The following FAM228B variants were observed in gnomAD, a reference collection of about 807,000 sequenced individuals.
The protein encoded by FAM228B is protein FAM228B.
Under a neutral mutation model 42.6 loss-of-function variants are expected in FAM228B, and 38 were observed. The observed-to-expected ratio is 0.89, with a 90% CI of 0.69 to 1.17. The LOEUF is 1.17. Ranked by LOEUF, FAM228B falls within the 50% of genes most tolerant of loss-of-function variation. The probability of loss-of-function intolerance (pLI) is 0.00; values close to 1 mark genes in which losing one functional copy is unlikely to be tolerated. For missense variants in FAM228B, 344 were observed against 367.3 expected (o/e 0.94, Z 0.52); for synonymous variants, 109 against 122.3 (o/e 0.89, Z 0.72).
At chr2:24,119,467 A>T, upstream of FAM228B, 1 of 743,916 alleles carries the variant, frequency 1.3e-6, no homozygotes, top group Non-Finnish European at 2.2e-6. Flanking sequence ...CATCCTTCCA[A>T]TAAATTCCTC....
intron 7 of FAM228B, among the ~76,000 whole-genome samples, chr2:24,148,994 A>G (rs558660928): frequency 9.2e-5 from 14 of 152,280 alleles, no homozygotes; most frequent in Admixed American, 6.5e-4. Context: ...CTTTCTGTGC[A>G]TGGTTTATTT....
At position 24,077,687 on chromosome 2, in the gene FAM228B, C is replaced by T; in HGVS notation, c.-290+718C>T. 3 of 1,614,088 alleles carry T rather than the reference C, an allele frequency of 1.9e-6. No homozygotes were observed. Among genetic ancestry groups the T allele is most frequent in the Non-Finnish European group, 2.5e-6 (3 of 1,179,984 alleles). ...GGTAGATTCTGTCCAGAACCGGCAG[C>T]AGACGTTGGGGGCCCTCCGTGGAGA... On this transcript the variant is annotated intron_variant, in intron 1 of 10. Coordinates refer to the FAM228B transcript ENST00000613899. The surrounding 1 kb of genome is among the most constrained non-coding windows in gnomAD (Gnocchi z 5.5).
intron 7 of FAM228B, among the ~76,000 whole-genome samples, chr2:24,150,843 T>C (rs1333246766): frequency 6.6e-6 from 1 of 152,186 alleles, no homozygotes; most frequent in Admixed American, 6.5e-5. Flanking sequence ...TTCCTCTTGA[T>C]GCTTTTAGGA....
intron 1 of FAM228B, chr2:24,079,199 T>C (rs1664888525): frequency 8.1e-6 from 4 of 496,836 alleles, no homozygotes; most frequent in Non-Finnish European, 1.4e-5. Context: ...CTTTCTTCAT[T>C]CTGTTAGAAT....
In FAM228B at chr2:24,134,883, G is replaced by C. The variant is rs187060471; in HGVS notation, c.100-236G>C. 1.5e-3 allele frequency among the ~76,000 whole-genome samples: 229 copies of C among 152,342 alleles called. 2 individuals are homozygous for C. Among genetic ancestry groups the C allele is most frequent in the Non-Finnish European group, 2.9e-3 (200 of 68,034 alleles). Reference sequence around the variant, plus strand: ...AAGAATCGCTTGAACCCTGGAAGTGGAGGTTGTAGTGAGCCGAGATGGTGC... The same window carrying C: ...AAGAATCGCTTGAACCCTGGAAGTGCAGGTTGTAGTGAGCCGAGATGGTGC... On this transcript the variant is annotated intron_variant, in intron 2 of 10. Transcript: ENST00000615575.
intron 3 of FAM228B, among the ~76,000 whole-genome samples, chr2:24,110,107 A>G (rs1665764743): frequency 6.6e-6 from 1 of 152,256 alleles, no homozygotes; most frequent in Non-Finnish European, 1.5e-5. Context: ...CAGCCATAAA[A>G]AGAATGAGAT....
chr2:24,099,900 G>A (rs1360550128), intron 3 of FAM228B, among the ~76,000 whole-genome samples: 3 of 152,132 alleles, frequency 2.0e-5, no homozygotes, highest in East Asian at 3.8e-4. Context: ...AAAACAGCAC[G>A]GTACTGGTAC....
intron 5 of FAM228B, 100 bp from the exon 6 acceptor site, chr2:24,146,648 C>G (rs1666900708): frequency 2.9e-6 from 2 of 683,956 alleles, no homozygotes; most frequent in East Asian, 2.8e-5. Flanking sequence ...ATTTACCCTC[C>G]CGGCATAAGA....
intron 5 of FAM228B, 43 bp downstream of exon 5, chr2:24,139,493 G>A: frequency 7.8e-7 from 1 of 1,279,438 alleles, no homozygotes; most frequent in Non-Finnish European, 1.1e-6. Context: ...TTATGTGTTT[G>A]GTTGTTTTGA....
At chr2:24,108,661 G>T (rs1253232749) in intron 3 of FAM228B, among the ~76,000 whole-genome samples, 1 of 152,110 alleles carries the variant, frequency 6.6e-6, no homozygotes, top group African/African-American at 2.4e-5. Flanking sequence ...CAGCACTTTG[G>T]GAGGCCTAGA....
chr2:24,096,990 A>T (rs1261323164), intron 3 of FAM228B: 1 of 152,168 alleles, frequency 6.6e-6, no homozygotes, highest in Admixed American at 6.5e-5. Context: ...ATTCTTAAAG[A>T]ATTTTCAACC....
At position 24,166,054 on chromosome 2, in the gene FAM228B, A is replaced by AAAAT. The variant is rs56146407; in HGVS notation, c.933-1572_933-1571insAATA. On this transcript the variant is annotated intron_variant, in intron 9 of 10. Coordinates refer to ENST00000615575, the MANE Select transcript of FAM228B (RefSeq NM_001145710.2). Reference sequence around the variant, plus strand: ...CAGAACTCTGTCTAAAAAAAAAAAAAATATATATATATATATATGTATGTA... The same window carrying AAAAT: ...CAGAACTCTGTCTAAAAAAAAAAAAAAAATATATATATATATATATATGTATGTA... 9.4e-4 allele frequency: 76 copies of AAAAT among 81,048 alleles called. 1 individual carries two copies. Among genetic ancestry groups the AAAAT allele is most frequent in the African/African-American group, 3.0e-3 (75 of 24,892 alleles). 5.0% of individuals were successfully genotyped at this position (81,048 alleles called of 1,614,324 possible). A position where few individuals can be genotyped will look rare whatever the true frequency, so the allele number is the denominator to read the frequency against.
At position 24,077,457 on chromosome 2, in the gene FAM228B, A is replaced by G; in HGVS notation, c.-290+488A>G. 1 of 1,181,040 alleles carries G rather than the reference A, an allele frequency of 8.5e-7. No homozygotes were observed. The highest frequency in any genetic ancestry group is 1.1e-6 in the Non-Finnish European group (1 of 877,998). The allele number at this position is 1,181,040 out of a possible 1,614,324, so 73.2% of individuals were successfully genotyped here. On this transcript the variant is annotated intron_variant, in intron 1 of 10. Transcript: ENST00000613899. The surrounding 1 kb of genome is among the most constrained non-coding windows in gnomAD (Gnocchi z 5.5). ...CTTCCAGTTCACTCTTTATTTCCTC[A>G]TATCAGCTTTAAACGGCTCTGGAGG... is the stretch of plus-strand genomic sequence containing the variant.
At chr2:24,101,074 G>A (rs1304333544) in intron 3 of FAM228B, among the ~76,000 whole-genome samples, 2 of 152,162 alleles carry the variant, frequency 1.3e-5, no homozygotes, top group Non-Finnish European at 2.9e-5. Flanking sequence ...GAGATCACTT[G>A]GACACAGGGT....
At chr2:24,165,605 T>C (rs1667385400) in intron 9 of FAM228B, 1 of 359,446 alleles carries the variant, frequency 2.8e-6, no homozygotes, top group African/African-American at 2.1e-5. Context: ...CTTAAAGACA[T>C]TTAGAACCTG....
Position 24,084,075 on chromosome 2 carries a change from G to T in FAM228B, c.-210+3120G>T. On this transcript the variant is annotated intron_variant, in intron 2 of 10. Transcript: ENST00000613899. The surrounding 1 kb of genome is among the most constrained non-coding windows in gnomAD (Gnocchi z 8.4). ...AGGTCTGGGAAGCCCCAGCGCAGCT[G>T]CCTGCTGGGTGTGGAGCGGTGCACG... The T allele has an allele frequency of 7.0e-7, 1 of 1,427,290 alleles. No individual in the cohort carries two copies. The highest frequency in any genetic ancestry group is 9.2e-7 in the Non-Finnish European group (1 of 1,086,728). The allele number at this position is 1,427,290 out of a possible 1,614,324, so 88.4% of individuals were successfully genotyped here. A position where few individuals can be genotyped will look rare whatever the true frequency, so the allele number is the denominator to read the frequency against.
intron 4 of FAM228B, among the ~76,000 whole-genome samples, chr2:24,138,561 C>G (rs1666663015): frequency 6.6e-6 from 1 of 151,840 alleles, no homozygotes; most frequent in Admixed American, 6.6e-5. Flanking sequence ...TCTCGAACTC[C>G]CTATTTCAGG....
chr2:24,153,349 C>A (rs1156626286), intron 7 of FAM228B, among the ~76,000 whole-genome samples: 1 of 152,210 alleles, frequency 6.6e-6, no homozygotes, highest in African/African-American at 2.4e-5. Context: ...CCCCAGTATA[C>A]TCCCTGGGTA....
In FAM228B at chr2:24,146,987, G is replaced by C. The variant is rs1666909939; in HGVS notation, c.587G>C (p.Arg196Thr). The change falls in exon 7 of 11, where the codon AGA (arginine) becomes ACA (threonine). Residue 196 changes from arginine (R) to threonine (T), a missense_variant. Physicochemically the swap from Arg to Thr is moderately conservative, Grantham distance 71 (BLOSUM62 -1). Coordinates refer to ENST00000615575, the MANE Select transcript of FAM228B (RefSeq NM_001145710.2). ...GTTGAGAAGGTTCAGCTGCATTCCAGATTCCCACAAATTTCTAATTCAAGG... is the reference window on the plus strand; with the variant it reads ...GTTGAGAAGGTTCAGCTGCATTCCACATTCCCACAAATTTCTAATTCAAGG... ...KEVEKVQLHS[R>T]FPQISNSRHF... is the part of the protein sequence containing the mutation. 6.4e-7 allele frequency: 1 copy of C among 1,551,416 alleles called. No homozygotes were observed. The highest frequency in any genetic ancestry group is 1.4e-5 in the African/African-American group (1 of 73,148).
Sources: allele counts gnomAD v4.1 joint callset (sites outside exome capture counted in the v4.1 genomes callset), GRCh38; gene constraint gnomAD v4.1.1; non-coding constraint Gnocchi (gnomAD v3.1); transcripts MANE v1.5; gene names NCBI Gene and HGNC (gene_info 2026-07-23, HGNC 2026-07-21).